The following EPHA4 variants were observed in gnomAD, a reference collection of about 807,000 sequenced individuals.
The protein encoded by EPHA4 is EPH receptor A4.
In EPHA4, 19 loss-of-function variants were observed where a neutral mutation model predicts 108.3. That is an observed-to-expected ratio of 0.18 (90% CI 0.12 to 0.26). The LOEUF (loss-of-function observed/expected upper bound fraction) is 0.26. Ranked by LOEUF, EPHA4 falls within the 10% of genes least tolerant of loss-of-function variation. The pLI is 1.00. For missense variants in EPHA4, 917 were observed against 1,254.0 expected, an observed-to-expected ratio of 0.73 and a Z score of 4.06; for synonymous variants, 449 against 455.5, an observed-to-expected ratio of 0.99 and a Z score of 0.18.
At chr2:221,490,715 C>A (rs1692115259) in intron 4 of EPHA4, among the ~76,000 whole-genome samples, 2 of 152,178 alleles carry the variant, frequency 1.3e-5, no homozygotes, top group South Asian at 4.1e-4. Context: ...TAATCTCTCT[C>A]CAGCTGAAAG....
intron 2 of EPHA4, among the ~76,000 whole-genome samples, chr2:221,567,121 A>G (rs2106212679): frequency 6.6e-6 from 1 of 152,248 alleles, no homozygotes; most frequent in South Asian, 2.1e-4. Flanking sequence ...GCTCACACAT[A>G]TATTTAGTGA....
At chr2:221,556,513 T>C (rs1694306236) in intron 3 of EPHA4, among the ~76,000 whole-genome samples, 1 of 149,274 alleles carries the variant, frequency 6.7e-6, no homozygotes, top group Non-Finnish European at 1.5e-5. Flanking sequence ...GGTTTCAACA[T>C]ATTGGTCTTA....
Position 221,426,001 on chromosome 2 carries a change from A to G in EPHA4, c.*27T>C. ...GCATGGATGAGGTAAACTAATTTCA[A>G]GAGTTTTGAGTTTATTCAGTACTGG... On this transcript the variant is annotated 3_prime_UTR_variant, in exon 17 of 18. Transcript: ENST00000281821. 1 of 1,593,632 alleles carries G rather than the reference A, an allele frequency of 6.3e-7. No individual in the cohort carries two copies. Among genetic ancestry groups the G allele is most frequent in the Non-Finnish European group, 8.6e-7 (1 of 1,161,740 alleles).
chr2:221,538,493 T>G (rs1169575976), intron 3 of EPHA4, among the ~76,000 whole-genome samples: 2 of 152,226 alleles, frequency 1.3e-5, no homozygotes, highest in Non-Finnish European at 2.9e-5. Context: ...TTGGATTTGC[T>G]GAAGTGAGAT....
At chr2:221,560,138 C>A (rs1237615170) in intron 3 of EPHA4, among the ~76,000 whole-genome samples, 1 of 132,820 alleles carries the variant, frequency 7.5e-6, no homozygotes, top group African/African-American at 2.8e-5. Context: ...GCCCAAGGAT[C>A]CTTTGTCAAA....
chr2:221,453,643 G>T (rs116062966), intron 8 of EPHA4, among the ~76,000 whole-genome samples: 1 of 152,116 alleles, frequency 6.6e-6, no homozygotes, highest in Admixed American at 6.5e-5. Flanking sequence ...ATATGTTTTT[G>T]TATGTGTGTG....
At chr2:221,546,564 A>G (rs758518522) in intron 3 of EPHA4, among the ~76,000 whole-genome samples, 10 of 152,180 alleles carry the variant, frequency 6.6e-5, no homozygotes, top group Non-Finnish European at 1.5e-4. Flanking sequence ...AGTGAGAAGC[A>G]TGAACTAACT....
chr2:221,426,381 G>A (rs139269931), intron 16 of EPHA4, 83 bp downstream of exon 16: 18,806 of 1,471,724 alleles, frequency 0.013, 158 homozygotes, highest in Non-Finnish European at 0.016. Context: ...AAATGAGTAG[G>A]ATGATTACGC....
chr2:221,511,351 T>G (rs2106165576), intron 3 of EPHA4, among the ~76,000 whole-genome samples: 1 of 151,644 alleles, frequency 6.6e-6, no homozygotes, highest in Non-Finnish European at 1.5e-5. Context: ...TAACAATGGC[T>G]GAGTCTTGGC....
intron 3 of EPHA4, among the ~76,000 whole-genome samples, chr2:221,524,821 C>T (rs1450852719): frequency 2.0e-5 from 3 of 152,154 alleles, no homozygotes; most frequent in Admixed American, 6.5e-5. Flanking sequence ...GTGATGGCTA[C>T]GGCACGGCTA....
At chr2:221,473,573 A>AC (rs1691560356) in intron 5 of EPHA4, among the ~76,000 whole-genome samples, 1 of 150,692 alleles carries the variant, frequency 6.6e-6, no homozygotes, top group Non-Finnish European at 1.5e-5. Flanking sequence ...AAAAAAAAAA[A>AC]ACTATTTAAA....
At chr2:221,452,191 C>T (rs899775801) in intron 8 of EPHA4, among the ~76,000 whole-genome samples, 3 of 152,164 alleles carry the variant, frequency 2.0e-5, no homozygotes, top group African/African-American at 7.2e-5. Context: ...TTCAAGGGGA[C>T]CCCCATAAGG....
rs545019980 is a variant in EPHA4 at position 221,534,786 on chromosome 2, C to T, written c.823+28945G>A. Among the ~76,000 whole-genome samples, 15 of 152,258 alleles carry T rather than the reference C, an allele frequency of 9.9e-5. No homozygotes were observed. The South Asian group carries it at 1.5e-3, about 15-fold the overall frequency. ...TTCTGTGTAGTTGTACTTCCAGTTG[C>T]TTTTCCACCTCAAGAAACAGTTTCT... is the stretch of plus-strand genomic sequence containing the variant. On this transcript the variant is annotated intron_variant, in intron 3 of 17. Coordinates refer to ENST00000281821, the MANE Select transcript of EPHA4 (RefSeq NM_004438.5).
At chr2:221,492,444 CA>C (rs929138300) in intron 4 of EPHA4, among the ~76,000 whole-genome samples, 74 of 152,158 alleles carry the variant, frequency 4.9e-4, no homozygotes, top group African/African-American at 1.8e-3. Context: ...TGCAAACAAC[CA>C]AATGGCAAAT....
chr2:221,502,329 A>G (rs889534794), intron 3 of EPHA4, among the ~76,000 whole-genome samples: 1 of 152,178 alleles, frequency 6.6e-6, no homozygotes, highest in Non-Finnish European at 1.5e-5. Context: ...TTATTTCATA[A>G]CACCAGAGGT....
At chr2:221,457,654 C>A (rs762869446) in intron 6 of EPHA4, among the ~76,000 whole-genome samples, 1 of 151,646 alleles carries the variant, frequency 6.6e-6, no homozygotes, top group Non-Finnish European at 1.5e-5. Flanking sequence ...AAGCAAAATG[C>A]ATTTGATTTG....
chr2:221,563,916 T>C lies in EPHA4; in HGVS notation c.638A>G (p.Gln213Arg), dbSNP rs1694545401. Reference sequence around the variant, plus strand: ...AGCCCCTGTGATGGTGTCAGGAAACTGGGCCAGATTGCGGACTGTGAGTGG... The same window carrying C: ...AGCCCCTGTGATGGTGTCAGGAAACCGGGCCAGATTGCGGACTGTGAGTGG... Reference protein sequence around the residue: ...KCPLTVRNLAQFPDTITGADT... With the variant: ...KCPLTVRNLARFPDTITGADT... Residue 213 changes from glutamine (Q) to arginine (R), a missense_variant, in exon 3 of 18, where the codon CAG becomes CGG. Around this residue, in one of 3 missense-constraint regions of EPHA4, gnomAD observed 758 missense variants for 1,076.7 expected, o/e 0.70. Transcript: ENST00000281821. 6.2e-7 allele frequency: 1 copy of C among 1,614,102 alleles called. No homozygotes were observed. The highest frequency in any genetic ancestry group is 1.3e-5 in the African/African-American group (1 of 74,924).
chr2:221,518,431 T>G (rs1559276325), intron 3 of EPHA4, among the ~76,000 whole-genome samples: 1 of 152,168 alleles, frequency 6.6e-6, no homozygotes, highest in Non-Finnish European at 1.5e-5. Context: ...CAGAACACAC[T>G]CTCAGATCCA....
chr2:221,419,616 T>A lies in EPHA4; in HGVS notation c.*1756A>T, dbSNP rs1035746010. 6.5e-6 allele frequency: 1 copy of A among 152,718 alleles called. No individual in the cohort carries two copies. Among genetic ancestry groups the A allele is most frequent in the East Asian group, 1.9e-4 (1 of 5,192 alleles). 9.5% of individuals were successfully genotyped at this position (152,718 alleles called of 1,614,324 possible). On this transcript the variant is annotated 3_prime_UTR_variant, in exon 18 of 18. Transcript: ENST00000281821. The stretch of plus-strand genomic sequence containing the variant: ...ATTCAGATGAGTTCAATCAGAAAAT[T>A]TGTAATTTTGATGATGGGTTGTCAC...
Sources: allele counts gnomAD v4.1 joint callset (sites outside exome capture counted in the v4.1 genomes callset), GRCh38; gene constraint gnomAD v4.1.1; regional missense constraint gnomAD v4.1.1; transcripts MANE v1.5; gene names NCBI Gene and HGNC (gene_info 2026-07-23, HGNC 2026-07-21).